Variants in OR10J1 observed in about 807,000 individuals in gnomAD.
OR10J1 encodes olfactory receptor family 10 subfamily J member 1.
For synonymous variants in OR10J1, 202 were observed against 143.8 expected (o/e 1.40, Z -2.89); for missense variants, 474 against 376.6 (o/e 1.26, Z -2.14).
chr1:159,406,212 C>T, the OR10J1 span: 2 of 524,700 alleles, frequency 3.8e-6, no homozygotes, highest in Admixed American at 2.0e-5. Flanking sequence ...GGTGAATGTC[C>T]AGGCGAGTAA....
the OR10J1 span, among the ~76,000 whole-genome samples, chr1:159,416,097 G>A: frequency 6.6e-6 from 1 of 151,638 alleles, no homozygotes; most frequent in African/African-American, 2.4e-5. Context: ...GAGTCTTTAG[G>A]TTTTTCTAGA....
At chr1:159,411,522 C>T in the OR10J1 span, among the ~76,000 whole-genome samples, 5 of 151,874 alleles carry the variant, frequency 3.3e-5, no homozygotes, top group East Asian at 3.9e-4. Flanking sequence ...GATTGCAACC[C>T]GTGCCTTTTT....
the OR10J1 span, among the ~76,000 whole-genome samples, chr1:159,399,827 G>A: frequency 6.6e-6 from 1 of 151,996 alleles, no homozygotes; most frequent in Non-Finnish European, 1.5e-5. Context: ...GACATAATCA[G>A]TACAATAAGA....
At chr1:159,428,637 C>T in the OR10J1 span, among the ~76,000 whole-genome samples, 1 of 152,174 alleles carries the variant, frequency 6.6e-6, no homozygotes, top group East Asian at 1.9e-4. Context: ...CGAAGTTATG[C>T]ACTGGCCATT....
chr1:159,435,794 C>T (rs1282431669), upstream of OR10J1, among the ~76,000 whole-genome samples: 30 of 152,138 alleles, frequency 2.0e-4, no homozygotes, highest in Admixed American at 1.8e-3. Context: ...AATCTGTTCC[C>T]CAAATAAAGC....
the OR10J1 span, among the ~76,000 whole-genome samples, chr1:159,416,556 C>T: frequency 6.6e-6 from 1 of 151,170 alleles, no homozygotes; most frequent in Non-Finnish European, 1.5e-5. Flanking sequence ...TTTTTTGTTG[C>T]ATCCTTGTCT....
In OR10J1 at chr1:159,440,765, G is replaced by A. The variant is rs368192712; in HGVS notation, c.*44G>A. The A allele has an allele frequency of 1.6e-5, 25 of 1,573,748 alleles. No homozygotes were observed. In the African/African-American group the frequency reaches 3.0e-4, roughly 19 times the overall value. On this transcript the variant is annotated 3_prime_UTR_variant, in exon 1 of 1. Coordinates refer to ENST00000423932, the MANE Select transcript of OR10J1 (RefSeq NM_012351.3). ...CCTGAGGCTGTCAACATCCACACTAGGCAGGAATATGAGGTGTAAACTCAC... is the reference window on the plus strand; with the variant it reads ...CCTGAGGCTGTCAACATCCACACTAAGCAGGAATATGAGGTGTAAACTCAC...
In OR10J1 at chr1:159,440,741, C is replaced by T; in HGVS notation, c.*20C>T. ...TCCTGACCATGTAGGAAGAGTTCTC[C>T]TGAGGCTGTCAACATCCACACTAGG... On this transcript the variant is annotated 3_prime_UTR_variant, in exon 1 of 1. Transcript: ENST00000423932. 6.3e-7 allele frequency: 1 copy of T among 1,594,954 alleles called. No individual in the cohort carries two copies. The highest frequency in any genetic ancestry group is 8.6e-7 in the Non-Finnish European group (1 of 1,168,026).
the OR10J1 span, among the ~76,000 whole-genome samples, chr1:159,426,515 T>C: frequency 6.6e-6 from 1 of 151,892 alleles, no homozygotes; most frequent in Non-Finnish European, 1.5e-5. Flanking sequence ...AACAACTTAG[T>C]TTTAAAATGT....
the OR10J1 span, among the ~76,000 whole-genome samples, chr1:159,427,567 G>T: frequency 4.0e-5 from 6 of 151,880 alleles, no homozygotes; most frequent in African/African-American, 1.4e-4. Flanking sequence ...TTGGAGAAAA[G>T]GATATATTAC....
At chr1:159,412,334 C>T in the OR10J1 span, among the ~76,000 whole-genome samples, 4 of 149,766 alleles carry the variant, frequency 2.7e-5, no homozygotes, top group South Asian at 6.3e-4. Flanking sequence ...TTGGAAAAAA[C>T]TACTCTAAAG....
At chr1:159,435,607 G>A (rs183892458), upstream of OR10J1, among the ~76,000 whole-genome samples, 16 of 152,312 alleles carry the variant, frequency 1.1e-4, no homozygotes, top group Admixed American at 7.8e-4. Flanking sequence ...CAGAAATAGT[G>A]TGGAAGATGG....
the OR10J1 span, among the ~76,000 whole-genome samples, chr1:159,431,506 G>A: frequency 6.6e-6 from 1 of 152,186 alleles, no homozygotes; most frequent in Non-Finnish European, 1.5e-5. Context: ...GACGAGCAAT[G>A]TGCCATTGGT....
chr1:159,411,873 A>G, the OR10J1 span, among the ~76,000 whole-genome samples: 1 of 152,046 alleles, frequency 6.6e-6, no homozygotes, highest in African/African-American at 2.4e-5. Context: ...AGGGTATTCA[A>G]TTAGGAAAAG....
the OR10J1 span, among the ~76,000 whole-genome samples, chr1:159,408,679 C>T: frequency 6.6e-6 from 1 of 151,976 alleles, no homozygotes; most frequent in Admixed American, 6.6e-5. Context: ...CTGAACCTGT[C>T]TGTAACACAA....
At chr1:159,426,792 C>A in the OR10J1 span, among the ~76,000 whole-genome samples, 2 of 151,594 alleles carry the variant, frequency 1.3e-5, no homozygotes, top group Admixed American at 1.3e-4. Flanking sequence ...AGAAATCAAC[C>A]AAAAAAGAAG....
At chr1:159,437,459 T>C (rs913376010), upstream of OR10J1, among the ~76,000 whole-genome samples, 1 of 151,932 alleles carries the variant, frequency 6.6e-6, no homozygotes, top group African/African-American at 2.4e-5. Flanking sequence ...GATTTTTCAA[T>C]ATGGATTTCT....
At chr1:159,408,804 C>A in the OR10J1 span, among the ~76,000 whole-genome samples, 145 of 151,688 alleles carry the variant, frequency 9.6e-4, 2 homozygotes, top group African/African-American at 2.2e-3. Flanking sequence ...AGTAACATCC[C>A]GAAAAATTTT....
chr1:159,416,455 T>C, the OR10J1 span, among the ~76,000 whole-genome samples: 1 of 152,050 alleles, frequency 6.6e-6, no homozygotes, highest in East Asian at 1.9e-4. Context: ...TGTCCTTTTT[T>C]TTTTTTGATG....
Sources: allele counts gnomAD v4.1 joint callset (sites outside exome capture counted in the v4.1 genomes callset), GRCh38; gene constraint gnomAD v4.1.1; transcripts MANE v1.5; gene names NCBI Gene and HGNC (gene_info 2026-07-23, HGNC 2026-07-21).